Variants in LINGO2 observed in about 807,000 individuals in gnomAD.
LINGO2 encodes the protein leucine-rich repeat and immunoglobulin-like domain-containing nogo receptor-interacting protein 2.
Under a neutral mutation model 30.6 loss-of-function variants are expected in LINGO2, and 14 were observed. The ratio of observed to expected loss-of-function variants is 0.46; its 90% CI spans 0.30 to 0.72. LINGO2 has a LOEUF of 0.72. Among genes scored for constraint, LINGO2 ranks in the 30% least tolerant of loss-of-function variants. The pLI is 0.07. For missense variants in LINGO2, 729 were observed against 751.7 expected (o/e 0.97, Z 0.35); for synonymous variants, 317 against 288.5 (o/e 1.10, Z -1.00).
At chr9:28,062,942 T>C (rs1825201961) in intron 4 of LINGO2, among the ~76,000 whole-genome samples, 1 of 152,166 alleles carries the variant, frequency 6.6e-6, no homozygotes, top group East Asian at 1.9e-4. Context: ...ACTATCTCTA[T>C]AGATTTCCTT....
intron 2 of LINGO2, among the ~76,000 whole-genome samples, chr9:28,452,105 C>T (rs571965409): frequency 2.0e-5 from 3 of 151,746 alleles, no homozygotes; most frequent in South Asian, 4.1e-4. Context: ...AAAATCACAG[C>T]AATTAAGATG....
At chr9:27,961,845 C>G (rs116118645) in intron 5 of LINGO2, among the ~76,000 whole-genome samples, 3,515 of 152,162 alleles carry the variant, frequency 0.023, 138 homozygotes, top group African/African-American at 0.08. Context: ...AAATGCTTCA[C>G]AGCCAATCGG....
chr9:28,665,100 T>G (rs901650946), intron 1 of LINGO2, among the ~76,000 whole-genome samples: 2 of 148,352 alleles, frequency 1.3e-5, no homozygotes, highest in African/African-American at 4.9e-5. Flanking sequence ...TTCATGAAAA[T>G]GTGTTTTAGT....
chr9:28,442,879 C>T (rs866448502), intron 2 of LINGO2, among the ~76,000 whole-genome samples: 4 of 152,254 alleles, frequency 2.6e-5, no homozygotes, highest in Middle Eastern at 6.8e-3. Flanking sequence ...AAATTTGCTT[C>T]AGTGATAGAG....
At chr9:28,593,995 C>T (rs1282982435) in intron 1 of LINGO2, among the ~76,000 whole-genome samples, 1 of 151,126 alleles carries the variant, frequency 6.6e-6, no homozygotes, top group Admixed American at 6.6e-5. Context: ...CTTGCTTTCA[C>T]TATTTAAAAA....
the LINGO2 span, among the ~76,000 whole-genome samples, chr9:29,170,379 T>C: frequency 2.6e-5 from 4 of 152,124 alleles, no homozygotes; most frequent in Non-Finnish European, 4.4e-5. Context: ...TTCTCACTTA[T>C]ATGAGGGTGC....
At chr9:28,744,609 C>CGTGTGTGTGT in the LINGO2 span, among the ~76,000 whole-genome samples, 145 of 133,970 alleles carry the variant, frequency 1.1e-3, 2 homozygotes, top group African/African-American at 2.7e-3. Flanking sequence ...ATATTCCCCT[C>CGTGTGTGTGT]GTGTGTGTGT....
chr9:28,328,258 A>G lies in LINGO2; in HGVS notation c.-245-32892T>C, dbSNP rs919339727. Among the ~76,000 whole-genome samples, 7 of 152,214 alleles carry G rather than the reference A, an allele frequency of 4.6e-5. 1 individual carries two copies. The South Asian group carries it at 1.4e-3, about 31-fold the overall frequency. On this transcript the variant is annotated intron_variant, in intron 3 of 5. Coordinates refer to ENST00000379992, the Ensembl canonical transcript of LINGO2. ...GTTACTTGCCTTTTGATAAGTAGAG[A>G]TGGGATATTAACAATAAGGTATCCA...
intron 5 of LINGO2, among the ~76,000 whole-genome samples, chr9:27,998,121 A>T (rs1025859864): frequency 6.6e-6 from 1 of 152,184 alleles, no homozygotes; most frequent in Non-Finnish European, 1.5e-5. Context: ...TTGAAAGGTA[A>T]GGTCTGTTTC....
the LINGO2 span, among the ~76,000 whole-genome samples, chr9:28,932,478 T>C: frequency 6.6e-6 from 1 of 152,304 alleles, no homozygotes; most frequent in African/African-American, 2.4e-5. Flanking sequence ...ATTGAGAACT[T>C]ATTCCACTTA....
chr9:29,110,477 C>T, the LINGO2 span, among the ~76,000 whole-genome samples: 35,316 of 151,296 alleles, frequency 0.23, 4,237 homozygotes, highest in East Asian at 0.4. Context: ...GGACTACAGG[C>T]GCCCGCCGCC....
chr9:28,956,342 G>A, the LINGO2 span, among the ~76,000 whole-genome samples: 1 of 152,084 alleles, frequency 6.6e-6, no homozygotes, highest in African/African-American at 2.4e-5. Flanking sequence ...CAAACAGGAA[G>A]ATGAGCTCTC....
the LINGO2 span, among the ~76,000 whole-genome samples, chr9:29,012,891 G>A: frequency 2.0e-5 from 3 of 152,062 alleles, no homozygotes; most frequent in African/African-American, 7.2e-5. Context: ...GCAATTTTAG[G>A]ATATCAGAAA....
the LINGO2 span, among the ~76,000 whole-genome samples, chr9:28,766,910 A>G: frequency 6.6e-6 from 1 of 152,258 alleles, no homozygotes; most frequent in Admixed American, 6.5e-5. Context: ...CATGGAGGAC[A>G]TTATGTTAAG....
the LINGO2 span, among the ~76,000 whole-genome samples, chr9:28,992,616 A>G: frequency 2.0e-5 from 3 of 152,176 alleles, no homozygotes; most frequent in Non-Finnish European, 4.4e-5. Context: ...AGTTGGAAGT[A>G]AAGCTCTCCT....
chr9:28,490,396 G>A (rs1156983715), intron 1 of LINGO2, among the ~76,000 whole-genome samples: 1 of 152,200 alleles, frequency 6.6e-6, no homozygotes, highest in Non-Finnish European at 1.5e-5. Context: ...CCCAAAGAAA[G>A]TCTGATTGAG....
chr9:28,948,600 AT>A, the LINGO2 span, among the ~76,000 whole-genome samples: 1 of 152,094 alleles, frequency 6.6e-6, no homozygotes, highest in South Asian at 2.1e-4. Context: ...TTATACTACA[AT>A]CACATAAAAT....
chr9:28,028,488 C>A (rs12683656), intron 4 of LINGO2, among the ~76,000 whole-genome samples: 1 of 151,838 alleles, frequency 6.6e-6, no homozygotes, highest in Non-Finnish European at 1.5e-5. Flanking sequence ...AATGTATATA[C>A]ACGTAACACC....
At chr9:28,322,126 T>G (rs780185906) in intron 3 of LINGO2, among the ~76,000 whole-genome samples, 1 of 152,162 alleles carries the variant, frequency 6.6e-6, no homozygotes, top group Non-Finnish European at 1.5e-5. Flanking sequence ...ACACATGGGT[T>G]TTTTTCATCT....
Sources: gnomAD v4.1 joint callset for allele counts (sites outside exome capture counted in the v4.1 genomes callset) on GRCh38, gnomAD v4.1.1 for gene constraint, MANE v1.5 for transcripts, NCBI Gene and HGNC (gene_info 2026-07-23, HGNC 2026-07-21) for gene names.